The following ZMAT5 variants were observed in gnomAD, a reference collection of about 807,000 sequenced individuals.
ZMAT5 encodes the protein zinc finger matrin-type 5.
A neutral mutation model predicts 28.0 loss-of-function variants in ZMAT5; 23 were observed. That is an observed-to-expected ratio of 0.82 (90% confidence interval 0.59 to 1.16). The LOEUF (loss-of-function observed/expected upper bound fraction) is 1.16, where lower values mean the gene tolerates loss of function less well. Ranked by LOEUF, ZMAT5 falls within the 50% of genes most tolerant of loss-of-function variation. ZMAT5 has a pLI of 0.00. For synonymous variants in ZMAT5, 76 were observed against 84.1 expected, an observed-to-expected ratio of 0.90 and a Z score of 0.52; for missense variants, 173 against 212.7, an observed-to-expected ratio of 0.81 and a Z score of 1.16.
At chr22:29,741,024 G>A (rs2067957637) in intron 3 of ZMAT5, among the ~76,000 whole-genome samples, 1 of 152,194 alleles carries the variant, frequency 6.6e-6, no homozygotes, top group African/African-American at 2.4e-5. Context: ...TCTGCAGGCT[G>A]TCTCTGTCAC....
intron 1 of ZMAT5, chr22:29,758,755 G>A (rs1010742538): frequency 6.6e-6 from 1 of 152,416 alleles, no homozygotes; most frequent in Non-Finnish European, 1.5e-5. Flanking sequence ...AAAAAAAGTG[G>A]GGGGCTAGTC....
chr22:29,755,330 AG>A (rs1213029148), intron 1 of ZMAT5, among the ~76,000 whole-genome samples: 18 of 21,042 alleles, frequency 8.6e-4, no homozygotes, highest in Admixed American at 6.4e-3. Flanking sequence ...AAGAAAGGAG[AG>A]AGAGAGAGAG....
intron 2 of ZMAT5, among the ~76,000 whole-genome samples, chr22:29,745,998 G>C (rs1171292979): frequency 2.0e-5 from 3 of 152,052 alleles, no homozygotes; most frequent in Non-Finnish European, 4.4e-5. Context: ...TTTGAGACAG[G>C]GTCCCGCTCT....
chr22:29,748,694 T>G, intron 1 of ZMAT5, 123 bp from the exon 2 acceptor site: 1 of 1,272,866 alleles, frequency 7.9e-7, no homozygotes, highest in South Asian at 1.4e-5. Context: ...CCCGCCCCAT[T>G]AGGAGTGTCA....
intron 5 of ZMAT5, among the ~76,000 whole-genome samples, chr22:29,731,993 C>T (rs2067850941): frequency 6.6e-6 from 1 of 152,204 alleles, no homozygotes; most frequent in South Asian, 2.1e-4. Flanking sequence ...TCACTGTCCT[C>T]CTCCTCAACG....
At chr22:29,739,312 A>C (rs1388154567) in intron 4 of ZMAT5, among the ~76,000 whole-genome samples, 2 of 152,282 alleles carry the variant, frequency 1.3e-5, no homozygotes, top group East Asian at 3.9e-4. Context: ...GGGCCAGAGG[A>C]AAGTAATCAT....
At chr22:29,731,434 C>A in intron 5 of ZMAT5, 80 bp from the exon 6 acceptor site, 1 of 1,495,876 alleles carries the variant, frequency 6.7e-7, no homozygotes, top group Non-Finnish European at 8.8e-7. Flanking sequence ...ACCTGCCTCA[C>A]CACCCTGGCT....
chr22:29,765,853 C>G (rs1569343106), intron 1 of ZMAT5, among the ~76,000 whole-genome samples: 1 of 152,144 alleles, frequency 6.6e-6, no homozygotes, highest in Non-Finnish European at 1.5e-5. Context: ...GGACGACAGA[C>G]CGAGACTCCA....
intron 1 of ZMAT5, among the ~76,000 whole-genome samples, chr22:29,757,661 G>A (rs2068115595): frequency 6.6e-6 from 1 of 152,128 alleles, no homozygotes; most frequent in East Asian, 1.9e-4. Flanking sequence ...GGTCAGGGTT[G>A]GTCTATGTGA....
intron 2 of ZMAT5, chr22:29,747,201 G>A (rs1470774033): frequency 6.6e-6 from 1 of 152,206 alleles, no homozygotes; most frequent in African/African-American, 2.4e-5. Context: ...GAGAGTTGTC[G>A]AGAAAAGCAA....
chr22:29,742,556 G>A (rs2067972980), intron 2 of ZMAT5, 76 bp from the exon 3 acceptor site: 2 of 1,372,566 alleles, frequency 1.5e-6, no homozygotes, highest in South Asian at 1.2e-5. Flanking sequence ...AGCCACAGGG[G>A]CATATGGACC....
At chr22:29,742,288 TG>T in intron 3 of ZMAT5, 129 bp downstream of exon 3, 1 of 845,250 alleles carries the variant, frequency 1.2e-6, no homozygotes, top group Non-Finnish European at 1.9e-6. Context: ...GCCAGTCAGC[TG>T]GAGCCACTGC....
At chr22:29,739,724 A>AGCTGCCGCT (rs1463277964) in intron 4 of ZMAT5, among the ~76,000 whole-genome samples, 2 of 152,232 alleles carry the variant, frequency 1.3e-5, no homozygotes, top group African/African-American at 4.8e-5. Flanking sequence ...GAAGAGCTGC[A>AGCTGCCGCT]GCTGCCGCTG....
intron 1 of ZMAT5, among the ~76,000 whole-genome samples, chr22:29,749,331 C>A (rs552639435): frequency 6.6e-6 from 1 of 151,822 alleles, no homozygotes; most frequent in East Asian, 2.0e-4. Flanking sequence ...CCTTGGCCCC[C>A]CAAAGTGCTG....
At chr22:29,731,440 TG>T (rs2067843323) in intron 5 of ZMAT5, 86 bp from the exon 6 acceptor site, 2 of 1,483,472 alleles carry the variant, frequency 1.3e-6, no homozygotes, top group African/African-American at 3.0e-5. Flanking sequence ...CTCACCACCC[TG>T]GCTGTGGGGA....
At chr22:29,762,979 A>G (rs1299370923) in intron 1 of ZMAT5, among the ~76,000 whole-genome samples, 1 of 152,196 alleles carries the variant, frequency 6.6e-6, no homozygotes, top group Non-Finnish European at 1.5e-5. Flanking sequence ...TGTGGCCAGG[A>G]GTTAGAGACC....
rs1238364736 is a variant in ZMAT5, at chr22:29,748,055, C to T, written c.127+363G>A. Reference sequence around the variant, plus strand: ...CCTACCATTCTCCCCTGGCCTGCTCCGCCCAGCCACACCCTCTCCCTCCTG... The same window carrying T: ...CCTACCATTCTCCCCTGGCCTGCTCTGCCCAGCCACACCCTCTCCCTCCTG... On this transcript the variant is annotated intron_variant, in intron 2 of 5. Coordinates refer to ENST00000344318, the MANE Select transcript of ZMAT5 (RefSeq NM_001003692.2). 5.6e-5 allele frequency: 20 copies of T among 354,480 alleles called. No homozygotes were observed. The East Asian group carries it at 1.1e-3, about 19-fold the overall frequency. 22.0% of individuals were successfully genotyped at this position (354,480 alleles called of 1,614,324 possible). A position where few individuals can be genotyped will look rare whatever the true frequency, so the allele number is the denominator to read the frequency against.
intron 1 of ZMAT5, among the ~76,000 whole-genome samples, chr22:29,753,787 C>A (rs2068075667): frequency 1.3e-5 from 2 of 152,180 alleles, no homozygotes; most frequent in Admixed American, 6.5e-5. Flanking sequence ...ATTCTACCTA[C>A]TTCACAGTCC....
intron 1 of ZMAT5, among the ~76,000 whole-genome samples, chr22:29,755,836 A>C (rs2068096778): frequency 6.6e-6 from 1 of 152,206 alleles, no homozygotes; most frequent in South Asian, 2.1e-4. Context: ...TGGAGTCTTC[A>C]CCATGACACT....
Sources: gnomAD v4.1 joint callset for allele counts (sites outside exome capture counted in the v4.1 genomes callset) on GRCh38, gnomAD v4.1.1 for gene constraint, MANE v1.5 for transcripts, NCBI Gene and HGNC (gene_info 2026-07-23, HGNC 2026-07-21) for gene names.